NPSR1: variants seen among roughly 807,000 people sequenced by gnomAD.
NPSR1 encodes neuropeptide S receptor.
Under a neutral mutation model 46.9 loss-of-function variants are expected in NPSR1, and 48 were observed. The observed-to-expected ratio is 1.02, with a 90% CI of 0.81 to 1.30. NPSR1 has a LOEUF of 1.30. Ranked by LOEUF, NPSR1 falls within the 50% of genes most tolerant of loss-of-function variation. The pLI, the probability that NPSR1 is intolerant of heterozygous loss-of-function variation, is 0.00. For missense variants in NPSR1, 450 were observed against 449.5 expected, an observed-to-expected ratio of 1.00 and a Z score of -0.01; for synonymous variants, 176 against 168.1, an observed-to-expected ratio of 1.05 and a Z score of -0.36.
At chr7:34,743,428 C>T (rs1005309925) in intron 2 of NPSR1, among the ~76,000 whole-genome samples, 1 of 150,398 alleles carries the variant, frequency 6.6e-6, no homozygotes, top group African/African-American at 2.4e-5. Flanking sequence ...GACTTGTTTT[C>T]TCTCTCTCTC....
intron 7 of NPSR1, among the ~76,000 whole-genome samples, chr7:34,848,065 T>C (rs1403979878): frequency 6.6e-6 from 1 of 152,186 alleles, no homozygotes; most frequent in Non-Finnish European, 1.5e-5. Flanking sequence ...CTAAAACCAG[T>C]AGTCACTACG....
intron 3 of NPSR1, among the ~76,000 whole-genome samples, chr7:34,778,913 A>T (rs972430179): frequency 6.6e-6 from 1 of 152,072 alleles, no homozygotes; most frequent in Non-Finnish European, 1.5e-5. Context: ...TCTCAAATGA[A>T]CTCAACGCTG....
At chr7:34,831,138 AG>A (rs1790099074) in intron 5 of NPSR1, among the ~76,000 whole-genome samples, 1 of 152,312 alleles carries the variant, frequency 6.6e-6, no homozygotes, top group East Asian at 1.9e-4. Flanking sequence ...TCATGAGTGC[AG>A]GGACTGTGGC....
At chr7:34,806,910 GTC>G (rs1253349633) in intron 3 of NPSR1, among the ~76,000 whole-genome samples, 2 of 151,974 alleles carry the variant, frequency 1.3e-5, no homozygotes, top group Admixed American at 6.6e-5. Flanking sequence ...CAGCATTTAA[GTC>G]TCACTTCTCT....
intron 5 of NPSR1, among the ~76,000 whole-genome samples, chr7:34,828,312 T>G (rs1462921685): frequency 5.9e-5 from 9 of 152,360 alleles, no homozygotes; most frequent in Non-Finnish European, 1.2e-4. Context: ...AAGTTGGCAG[T>G]GAGCTCCTCC....
intron 1 of NPSR1, among the ~76,000 whole-genome samples, chr7:34,672,702 T>A (rs1261496930): frequency 6.6e-6 from 1 of 152,198 alleles, no homozygotes; most frequent in African/African-American, 2.4e-5. Context: ...ACTGAATCAC[T>A]TTCCTGTACA....
At chr7:34,788,096 C>T (rs1787546856) in intron 3 of NPSR1, among the ~76,000 whole-genome samples, 1 of 151,926 alleles carries the variant, frequency 6.6e-6, no homozygotes, top group Non-Finnish European at 1.5e-5. Flanking sequence ...AAGGGATATA[C>T]TATATAAAAA....
At chr7:34,834,257 G>C (rs751906576) in intron 5 of NPSR1, 127 bp from the exon 6 acceptor site, 62 of 717,340 alleles carry the variant, frequency 8.6e-5, no homozygotes, top group Non-Finnish European at 1.5e-4. Flanking sequence ...AAGTATAAGG[G>C]GGCAGGCATG....
chr7:34,677,158 C>T (rs1048545425), intron 1 of NPSR1, among the ~76,000 whole-genome samples: 7 of 152,198 alleles, frequency 4.6e-5, no homozygotes, highest in Non-Finnish European at 1.0e-4. Context: ...CCCGGGACTA[C>T]TTTGAAAAGA....
At chr7:34,695,152 T>C (rs942398512) in intron 2 of NPSR1, among the ~76,000 whole-genome samples, 1 of 152,074 alleles carries the variant, frequency 6.6e-6, no homozygotes, top group Non-Finnish European at 1.5e-5. Context: ...GAGAAAGCAG[T>C]TAAAATGCCA....
chr7:34,765,321 G>A (rs1281843450), intron 2 of NPSR1, among the ~76,000 whole-genome samples: 3 of 152,048 alleles, frequency 2.0e-5, no homozygotes, highest in Non-Finnish European at 4.4e-5. Context: ...ACCAAACAGA[G>A]ACATGACTCC....
chr7:34,797,931 T>C (rs1393372434), intron 3 of NPSR1, among the ~76,000 whole-genome samples: 1 of 152,126 alleles, frequency 6.6e-6, no homozygotes, highest in Non-Finnish European at 1.5e-5. Flanking sequence ...TCAAGTGAAA[T>C]TATTCTTCAA....
At chr7:34,877,995 G>A in intron 8 of NPSR1, 1 of 754,134 alleles carries the variant, frequency 1.3e-6, no homozygotes, top group Non-Finnish European at 2.3e-6. Context: ...TGACCACAGT[G>A]AGGTCACACA....
intron 4 of NPSR1, among the ~76,000 whole-genome samples, chr7:34,824,391 A>G (rs945518642): frequency 2.6e-5 from 4 of 152,156 alleles, no homozygotes; most frequent in African/African-American, 9.7e-5. Context: ...TCTACCTTAT[A>G]TGCAAACCTG....
At chr7:34,729,382 C>A (rs553817473) in intron 2 of NPSR1, among the ~76,000 whole-genome samples, 4 of 152,162 alleles carry the variant, frequency 2.6e-5, no homozygotes, top group Admixed American at 6.5e-5. Context: ...AAAAAATTGA[C>A]CCCCTCTGGA....
At chr7:34,835,076 C>G (rs1790304411) in intron 6 of NPSR1, among the ~76,000 whole-genome samples, 1 of 152,186 alleles carries the variant, frequency 6.6e-6, no homozygotes, top group Non-Finnish European at 1.5e-5. Flanking sequence ...TACCCTGCTT[C>G]CCAGGAAAAC....
intron 8 of NPSR1, among the ~76,000 whole-genome samples, chr7:34,862,198 T>C (rs1448474590): frequency 6.6e-6 from 1 of 151,702 alleles, no homozygotes; most frequent in African/African-American, 2.4e-5. Flanking sequence ...GGCAGGAGAC[T>C]GGAAGCAAGC....
At chr7:34,821,127 C>CT (rs35086136) in intron 4 of NPSR1, among the ~76,000 whole-genome samples, 7,645 of 94,882 alleles carry the variant, frequency 0.081, 1,108 homozygotes, top group Non-Finnish European at 0.12. Flanking sequence ...TTGTGATACA[C>CT]TTTTTTTTTT....
At chr7:34,872,218 T>C (rs879772238) in intron 8 of NPSR1, among the ~76,000 whole-genome samples, 5 of 152,000 alleles carry the variant, frequency 3.3e-5, no homozygotes, top group Non-Finnish European at 5.9e-5. Flanking sequence ...CAGCCCAAGC[T>C]GTACCTTGGC....
Sources: gnomAD v4.1 joint callset for allele counts (sites outside exome capture counted in the v4.1 genomes callset) on GRCh38, gnomAD v4.1.1 for gene constraint, MANE v1.5 for transcripts, NCBI Gene and HGNC (gene_info 2026-07-23, HGNC 2026-07-21) for gene names.